The following HSPA4L variants were observed in gnomAD, a reference collection of about 807,000 sequenced individuals.
HSPA4L encodes heat shock protein family A (Hsp70) member 4 like, also known as heat shock 70 kDa protein 4L.
Under a neutral mutation model 100.3 loss-of-function variants are expected in HSPA4L, and 48 were observed. The observed-to-expected ratio is 0.48, with a 90% CI of 0.38 to 0.61. The LOEUF (loss-of-function observed/expected upper bound fraction) is 0.61. Ranked by LOEUF, HSPA4L falls within the 20% of genes least tolerant of loss-of-function variation. The pLI is 0.00. For missense variants in HSPA4L, 886 were observed against 988.6 expected (o/e 0.90, Z 1.39); for synonymous variants, 319 against 328.2 (o/e 0.97, Z 0.30).
chr4:127,812,499 G>A (rs1275107305), intron 12 of HSPA4L, among the ~76,000 whole-genome samples: 1 of 151,910 alleles, frequency 6.6e-6, no homozygotes, highest in African/African-American at 2.4e-5. Flanking sequence ...ATAGATGAAG[G>A]AATCTTAGGA....
intron 6 of HSPA4L, 44 bp downstream of exon 6, chr4:127,801,962 A>C (rs942540764): frequency 6.7e-7 from 1 of 1,498,058 alleles, no homozygotes; most frequent in South Asian, 1.3e-5. Context: ...TGTTAAGAAC[A>C]CAGACTAAAG....
chr4:127,791,991 A>T (rs571468520), intron 1 of HSPA4L, among the ~76,000 whole-genome samples: 15 of 152,352 alleles, frequency 9.8e-5, no homozygotes, highest in African/African-American at 3.4e-4. Context: ...ATTAACAAAC[A>T]TCTGTTAAAT....
At position 127,836,885 on chromosome 4, in the gene HSPA4L, A is replaced by T. The variant is rs746421633; in HGVS notation, c.*4011A>T. 2.6e-5 allele frequency: 4 copies of T among 152,130 alleles called. No individual in the cohort carries two copies. Among genetic ancestry groups the T allele is most frequent in the Non-Finnish European group, 5.9e-5 (4 of 68,034 alleles). The allele number at this position is 152,130 out of a possible 1,614,324, so 9.4% of individuals were successfully genotyped here. On this transcript the variant is annotated 3_prime_UTR_variant, in exon 19 of 19. Coordinates refer to ENST00000296464, the MANE Select transcript of HSPA4L (RefSeq NM_014278.4). ...TAATTTTACAAATTATAGATTTAGA[A>T]ATGATTCTTAAGTTATTGGTAAAAT... is the stretch of plus-strand genomic sequence containing the variant.
chr4:127,822,687 T>C, intron 14 of HSPA4L, 82 bp from the exon 15 acceptor site: 1 of 1,291,146 alleles, frequency 7.7e-7, no homozygotes, highest in Non-Finnish European at 1.1e-6. Context: ...TCCTAGTGAG[T>C]GTGAAGTGGT....
Position 127,829,484 on chromosome 4 carries a change from TA to T in HSPA4L, c.2167-1153del, listed in dbSNP as rs1734026862. Among the ~76,000 whole-genome samples the T allele has an allele frequency of 3.3e-5, 5 of 152,048 alleles. No homozygotes were observed. The South Asian group carries it at 1.0e-3, about 32-fold the overall frequency. ...ATGATGGAGGCTTGAACCCAGATGG[TA>T]GGGTTGGGGAGCCAAGAATTGGTTA... On this transcript the variant is annotated intron_variant, in intron 17 of 18. Coordinates refer to ENST00000296464, the MANE Select transcript of HSPA4L (RefSeq NM_014278.4).
intron 1 of HSPA4L, among the ~76,000 whole-genome samples, chr4:127,792,609 T>C (rs987465090): frequency 6.6e-6 from 1 of 152,166 alleles, no homozygotes; most frequent in African/African-American, 2.4e-5. Context: ...GTGGCTACCA[T>C]ATTAGATAGT....
chr4:127,821,426 C>A (rs1250863267), intron 14 of HSPA4L, among the ~76,000 whole-genome samples: 3 of 152,256 alleles, frequency 2.0e-5, no homozygotes, highest in East Asian at 3.9e-4. Flanking sequence ...TAAAGGGATT[C>A]TTAACGTTTA....
chr4:127,822,843 T>C lies in HSPA4L; in HGVS notation c.1887T>C (p.Tyr629=), dbSNP rs766719249. The stretch of plus-strand genomic sequence containing the variant: ...AGAATGCCGTTGAAGAATATGTATA[T>C]GATTTTAGAGACAGGCTGGGCACTG... ...DAKNAVEEYV[Y]DFRDRLGTVY... is the part of the protein sequence containing the mutation. Residue 629 remains tyrosine (Y), a synonymous_variant, in exon 15 of 19, where the codon TAT becomes TAC. Transcript: ENST00000296464. The C allele has an allele frequency of 6.2e-7, 1 of 1,613,752 alleles. No homozygotes were observed. The highest frequency in any genetic ancestry group is 1.7e-5 in the Admixed American group (1 of 60,022).
chr4:127,802,836 C>T (rs1034564079), intron 6 of HSPA4L, among the ~76,000 whole-genome samples: 2 of 152,130 alleles, frequency 1.3e-5, no homozygotes, highest in African/African-American at 4.8e-5. Flanking sequence ...ACATTCCACG[C>T]AGATTGTACT....
chr4:127,798,531 A>C, intron 3 of HSPA4L, 56 bp from the exon 4 acceptor site: 1 of 1,564,946 alleles, frequency 6.4e-7, no homozygotes, highest in Non-Finnish European at 8.8e-7. Flanking sequence ...GTGCTCACTG[A>C]ATATTTGTTG....
chr4:127,829,698 A>G (rs1261219693), intron 17 of HSPA4L, among the ~76,000 whole-genome samples: 3 of 152,036 alleles, frequency 2.0e-5, no homozygotes, highest in Non-Finnish European at 2.9e-5. Context: ...AAACATAAGC[A>G]TTTCAAACTT....
rs2148796188 is a variant in HSPA4L at position 127,820,526 on chromosome 4, A to G, written c.1773A>G (p.Gln591=). Residue 591 remains glutamine, a synonymous_variant, in exon 14 of 19, where the codon CAA becomes CAG. Transcript: ENST00000296464. ...DLPIQSSLCR[Q]LGQDLLNSYI... ...CGATCCAGAGTAGCCTATGTAGACA[A>G]CTAGGCCAAGATCTTCTCAACAGCT... 7 of 1,601,756 alleles carry G rather than the reference A, an allele frequency of 4.4e-6. No homozygotes were observed. The highest frequency in any genetic ancestry group is 2.3e-5 in the East Asian group (1 of 44,130).
rs1734169168 is a variant in HSPA4L at position 127,834,946 on chromosome 4, CTT to C, written c.*2073_*2074del. 1 of 152,144 alleles carries C rather than the reference CTT, an allele frequency of 6.6e-6. No homozygotes were observed. Among genetic ancestry groups the C allele is most frequent in the South Asian group, 2.1e-4 (1 of 4,830 alleles). 9.4% of individuals were successfully genotyped at this position (152,144 alleles called of 1,614,324 possible). A position where few individuals can be genotyped will look rare whatever the true frequency, so the allele number is the denominator to read the frequency against. ...AATTATATAACACTTCATTTAATAA[CTT>C]ATATACATCCAAATATATATACTTT... On this transcript the variant is annotated 3_prime_UTR_variant, in exon 19 of 19. Transcript: ENST00000296464.
At position 127,832,697 on chromosome 4, in the gene HSPA4L, C is replaced by T. The variant is rs761506595; in HGVS notation, c.2343C>T (p.Phe781=). The T allele has an allele frequency of 6.5e-5, 105 of 1,608,096 alleles. No homozygotes were observed. The highest frequency in any genetic ancestry group is 8.8e-5 in the Non-Finnish European group (104 of 1,177,326). The change falls in exon 19 of 19, where the codon TTC becomes TTT. Residue 781 remains phenylalanine, a synonymous_variant. Transcript: ENST00000296464. Reference sequence around the variant, plus strand: ...CATGTCTTTAGGAACTGGATAATTTCTGTAACCCCATCATTTACAAGCCCA... The same window carrying T: ...CATGTCTTTAGGAACTGGATAATTTTTGTAACCCCATCATTTACAAGCCCA... ...IVAKSKELDN[F]CNPIIYKPKP... is the part of the protein sequence containing the mutation.
intron 1 of HSPA4L, among the ~76,000 whole-genome samples, chr4:127,793,861 A>G (rs962875080): frequency 2.0e-5 from 3 of 152,190 alleles, no homozygotes; most frequent in Non-Finnish European, 4.4e-5. Flanking sequence ...ATTGCCAGCT[A>G]TTAGGACTTT....
chr4:127,810,589 C>G (rs1405648432), intron 11 of HSPA4L, among the ~76,000 whole-genome samples: 1 of 152,126 alleles, frequency 6.6e-6, no homozygotes, highest in Non-Finnish European at 1.5e-5. Flanking sequence ...GAGACCTAAT[C>G]TGTACTAAAA....
intron 4 of HSPA4L, among the ~76,000 whole-genome samples, chr4:127,799,857 A>C (rs1217772529): frequency 6.6e-6 from 1 of 152,224 alleles, no homozygotes; most frequent in African/African-American, 2.4e-5. Flanking sequence ...TGAATATTAA[A>C]TGAACCATGC....
At chr4:127,786,268 AC>A (rs533071468) in intron 1 of HSPA4L, among the ~76,000 whole-genome samples, 3 of 152,156 alleles carry the variant, frequency 2.0e-5, no homozygotes, top group Non-Finnish European at 4.4e-5. Flanking sequence ...GGCCTCTCTG[AC>A]CCTAGAACCC....
At chr4:127,790,593 C>A (rs931944192) in intron 1 of HSPA4L, among the ~76,000 whole-genome samples, 1 of 152,198 alleles carries the variant, frequency 6.6e-6, no homozygotes, top group East Asian at 1.9e-4. Context: ...TTGACCATCA[C>A]TTTTAACATT....
Sources: gnomAD v4.1 joint callset for allele counts (sites outside exome capture counted in the v4.1 genomes callset) on GRCh38, gnomAD v4.1.1 for gene constraint, MANE v1.5 for transcripts, NCBI Gene and HGNC (gene_info 2026-07-23, HGNC 2026-07-21) for gene names.